NFRKB: variants seen among roughly 807,000 people sequenced by gnomAD.
NFRKB encodes the protein nuclear factor related to kappa-B-binding protein.
In NFRKB, 62 loss-of-function variants were observed where a neutral mutation model predicts 135.7. That is an observed-to-expected ratio of 0.46 (90% CI 0.37 to 0.56). NFRKB has a LOEUF of 0.56. Among genes scored for constraint, NFRKB ranks in the 20% least tolerant of loss-of-function variants. The pLI is 0.00. For synonymous variants in NFRKB, 678 were observed against 635.6 expected (o/e 1.07, Z -1.00); for missense variants, 1,545 against 1,662.0 (o/e 0.93, Z 1.22).
rs1482199455 is a variant in NFRKB, at chr11:129,863,644, A to G, written c.*1081T>C. 1.3e-5 allele frequency: 2 copies of G among 158,232 alleles called. No homozygotes were observed. The highest frequency in any genetic ancestry group is 3.2e-3 in the Middle Eastern group (1 of 316). 9.8% of individuals were successfully genotyped at this position (158,232 alleles called of 1,614,324 possible). On this transcript the variant is annotated 3_prime_UTR_variant, in exon 27 of 27. Transcript: ENST00000682444. ...AAACAAACAAACAAACAAACAAACA[A>G]AAAACGCTTTTACTTAAAAGGCCAT...
In NFRKB at chr11:129,884,781, C is replaced by G; in HGVS notation, c.706G>C (p.Val236Leu). ...ATATCCGTGGTTGAAAGTGTGGGCA[C>G]CACCCGCAGGGGCACCGCAGGACTA... ...SPSPAVPLRVVPTLSTTDMKT... is the reference protein window; with the variant it reads ...SPSPAVPLRVLPTLSTTDMKT... The change falls in exon 7 of 27, where the codon GTG becomes CTG. Residue 236 changes from valine to leucine, a missense_variant. Coordinates refer to ENST00000682444, the MANE Select transcript of NFRKB (RefSeq NM_001143835.2). The G allele has an allele frequency of 6.2e-7, 1 of 1,614,114 alleles. No individual in the cohort carries two copies. Among genetic ancestry groups the G allele is most frequent in the Non-Finnish European group, 8.5e-7 (1 of 1,180,020 alleles).
chr11:129,894,301 C>G (rs1949680883), intron 2 of NFRKB, 58 bp downstream of exon 2: 1 of 152,180 alleles, frequency 6.6e-6, no homozygotes. Flanking sequence ...TGTTAACAGT[C>G]AAAACACCAG....
At position 129,888,353 on chromosome 11, in the gene NFRKB, T is replaced by C. The variant is rs928070365; in HGVS notation, c.337+241A>G. On this transcript the variant is annotated intron_variant, in intron 4 of 26. Transcript: ENST00000682444. ...ATGTTTTATTTTTTTATGTAGATGC[T>C]GGTTACAAGCTGATGCTGGTTACAA... is the stretch of plus-strand genomic sequence containing the variant. The C allele has an allele frequency of 1.5e-5, 10 of 654,448 alleles. No homozygotes were observed. In the African/African-American group the frequency reaches 1.9e-4, roughly 12 times the overall value. 40.5% of individuals were successfully genotyped at this position (654,448 alleles called of 1,614,324 possible). A position where few individuals can be genotyped will look rare whatever the true frequency, so the allele number is the denominator to read the frequency against.
Position 129,884,861 on chromosome 11 carries a change from T to C in NFRKB, c.641-15A>G. On this transcript the variant is annotated splice_polypyrimidine_tract_variant and intron_variant, in intron 6 of 26. Coordinates refer to ENST00000682444, the MANE Select transcript of NFRKB (RefSeq NM_001143835.2). ...TGAGCTGAGATCTTCAAAAGAAAAT[T>C]GTTCTTGTAAATCCAACGTGGCTGT... 1.2e-6 allele frequency: 2 copies of C among 1,614,134 alleles called. No homozygotes were observed. Among genetic ancestry groups the C allele is most frequent in the Non-Finnish European group, 1.7e-6 (2 of 1,179,990 alleles).
At chr11:129,888,449 CAA>C (rs1229169170) in intron 4 of NFRKB, 143 bp downstream of exon 4, 2 of 818,908 alleles carry the variant, frequency 2.4e-6, no homozygotes, top group African/African-American at 1.7e-5. Flanking sequence ...GCCTAGACAG[CAA>C]AGTGTTACAC....
chr11:129,882,181 G>A lies in NFRKB; in HGVS notation c.1096C>T (p.Leu366Phe). ...TCATTGATTCCAAGGCAAGGCTTGAGGTCTTCAAGGGGCCTAATGAGGGAA... is the reference window on the plus strand; with the variant it reads ...TCATTGATTCCAAGGCAAGGCTTGAAGTCTTCAAGGGGCCTAATGAGGGAA... ...PAIKEEPLED[L>F]KPCLGINEIS... Residue 366 changes from leucine (L) to phenylalanine (F), a missense_variant, in exon 11 of 27, where the codon CTC becomes TTC. Leu to Phe is a conservative substitution (Grantham distance 22). Coordinates refer to ENST00000682444, the MANE Select transcript of NFRKB (RefSeq NM_001143835.2). 6.2e-7 allele frequency: 1 copy of A among 1,609,520 alleles called. No individual in the cohort carries two copies. The highest frequency in any genetic ancestry group is 8.5e-7 in the Non-Finnish European group (1 of 1,178,782).
At chr11:129,889,951 C>T (rs1357976946) in intron 3 of NFRKB, among the ~76,000 whole-genome samples, 6 of 135,286 alleles carry the variant, frequency 4.4e-5, no homozygotes, top group South Asian at 2.4e-4. Context: ...TATTGTCTTA[C>T]GTGTGTGTGT....
Position 129,885,423 on chromosome 11 carries a change from G to T in NFRKB, c.640+12C>A, listed in dbSNP as rs774423602. The T allele has an allele frequency of 2.5e-6, 4 of 1,592,576 alleles. No homozygotes were observed. The highest frequency in any genetic ancestry group is 3.4e-6 in the Non-Finnish European group (4 of 1,163,738). ...AATACCCCAGCTACCCCAAGTGCCC[G>T]AGGACACTCACCCTCTTCATCAGAT... On this transcript the variant is annotated intron_variant, in intron 6 of 26. Transcript: ENST00000682444.
Position 129,870,336 on chromosome 11 carries a change from C to G in NFRKB, c.2764-75G>C, listed in dbSNP as rs562598449. On this transcript the variant is annotated intron_variant, in intron 23 of 26. Coordinates refer to ENST00000682444, the MANE Select transcript of NFRKB (RefSeq NM_001143835.2). The stretch of plus-strand genomic sequence containing the variant: ...TTACAAAATACAACTAGACAAACTT[C>G]CGTTTCATGGGTAGATGTTTTGTAT... 33 of 1,474,304 alleles carry G rather than the reference C, an allele frequency of 2.2e-5. No homozygotes were observed. The African/African-American group carries it at 3.7e-4, about 16-fold the overall frequency. The allele number at this position is 1,474,304 out of a possible 1,614,324, so 91.3% of individuals were successfully genotyped here. A position where few individuals can be genotyped will look rare whatever the true frequency, so the allele number is the denominator to read the frequency against.
At chr11:129,866,456 T>C (rs1016286190) in intron 24 of NFRKB, among the ~76,000 whole-genome samples, 2 of 151,752 alleles carry the variant, frequency 1.3e-5, no homozygotes, top group African/African-American at 4.8e-5. Flanking sequence ...AACTACTCAT[T>C]GGAGTGCAGG....
chr11:129,887,522 C>A (rs1357802354), intron 4 of NFRKB, among the ~76,000 whole-genome samples: 1 of 152,152 alleles, frequency 6.6e-6, no homozygotes. Context: ...CCCAATCTAA[C>A]CATGAGAAAA....
rs1182137885 is a variant in NFRKB, at chr11:129,874,405, C to T, written c.2059-72G>A. On this transcript the variant is annotated intron_variant, in intron 20 of 26. Transcript: ENST00000682444. This position sits in a 1 kb window ranked among gnomAD's most constrained non-coding sequence, Gnocchi z 4.5. Reference sequence around the variant, plus strand: ...CCTAAAGGAAGGGACACCCCTACAGCTCCTGATGCCCCACACCAAGTGAAA... The same window carrying T: ...CCTAAAGGAAGGGACACCCCTACAGTTCCTGATGCCCCACACCAAGTGAAA... The T allele has an allele frequency of 1.3e-6, 2 of 1,536,294 alleles. No individual in the cohort carries two copies. Among genetic ancestry groups the T allele is most frequent in the Admixed American group, 4.2e-5 (2 of 47,434 alleles).
intron 6 of NFRKB, 151 bp downstream of exon 6, chr11:129,885,284 A>AG: frequency 1.2e-6 from 1 of 816,038 alleles, no homozygotes; most frequent in Non-Finnish European, 1.9e-6. Flanking sequence ...CCAAAGACCA[A>AG]GGCCTTCTGA....
At chr11:129,890,801 C>A (rs757036416) in intron 3 of NFRKB, among the ~76,000 whole-genome samples, 8 of 152,190 alleles carry the variant, frequency 5.3e-5, no homozygotes, top group Non-Finnish European at 1.0e-4. Context: ...CATCCCAGGG[C>A]ACGTACCATT....
rs191515867 is a variant in NFRKB, at chr11:129,873,412, A to T, written c.2551-316T>A. ...TTCTGTAAACTCACACAACTAGTTC[A>T]TGGCGTAGCTAAGACTAGAGGCACA... On this transcript the variant is annotated intron_variant, in intron 22 of 26. Coordinates refer to ENST00000682444, the MANE Select transcript of NFRKB (RefSeq NM_001143835.2). Among the ~76,000 whole-genome samples the T allele has an allele frequency of 1.1e-4, 16 of 152,352 alleles. No individual in the cohort carries two copies. In the East Asian group the frequency reaches 3.1e-3, roughly 29 times the overall value.
chr11:129,863,872 C>T lies in NFRKB; in HGVS notation c.*853G>A, dbSNP rs1343282235. On this transcript the variant is annotated 3_prime_UTR_variant, in exon 27 of 27. Transcript: ENST00000682444. ...GCTCTGGAGCAGAGCAGAAGGTATA[C>T]TCTGAACTGCAACAAAGTTTCTGCT... is the stretch of plus-strand genomic sequence containing the variant. The T allele has an allele frequency of 6.6e-6, 1 of 152,310 alleles. No individual in the cohort carries two copies. The highest frequency in any genetic ancestry group is 1.5e-5 in the Non-Finnish European group (1 of 68,132). The allele number at this position is 152,310 out of a possible 1,614,324, so 9.4% of individuals were successfully genotyped here.
rs766915430 is a variant in NFRKB at position 129,874,220 on chromosome 11, G to C, written c.2172C>G (p.Thr724=). 6.6e-7 allele frequency: 1 copy of C among 1,519,968 alleles called. No individual in the cohort carries two copies. Among genetic ancestry groups the C allele is most frequent in the Non-Finnish European group, 8.8e-7 (1 of 1,136,684 alleles). 94.2% of individuals were successfully genotyped at this position (1,519,968 alleles called of 1,614,324 possible). A position where few individuals can be genotyped will look rare whatever the true frequency, so the allele number is the denominator to read the frequency against. ...SMPPTPVTPV[T]PTTPALPAIP... is the part of the protein sequence containing the mutation. ...TGGCGGGCAATGCTGGTGTGGTGGG[G>C]GTTACAGGTGTGACTGGGGTGGGTG... Residue 724 remains threonine (T), a synonymous_variant, in exon 21 of 27, where the codon ACC becomes ACG. Coordinates refer to ENST00000682444, the MANE Select transcript of NFRKB (RefSeq NM_001143835.2). The surrounding 1 kb of genome is among the most constrained non-coding windows in gnomAD (Gnocchi z 4.5).
intron 22 of NFRKB, among the ~76,000 whole-genome samples, chr11:129,873,484 C>G (rs1948614403): frequency 6.6e-6 from 1 of 152,184 alleles, no homozygotes; most frequent in Non-Finnish European, 1.5e-5. Context: ...CATTTACAAC[C>G]CGCCTCTACG....
chr11:129,863,680 CT>C lies in NFRKB; in HGVS notation c.*1044del, dbSNP rs1168811000. ...TACTTAAAAGGCCATATAGGAAATACTTTAGGCTTCAGGGCCATCCAGTCTC... is the reference window on the plus strand; with the variant it reads ...TACTTAAAAGGCCATATAGGAAATACTTAGGCTTCAGGGCCATCCAGTCTC... On this transcript the variant is annotated 3_prime_UTR_variant, in exon 27 of 27. Coordinates refer to ENST00000682444, the MANE Select transcript of NFRKB (RefSeq NM_001143835.2). The C allele has an allele frequency of 6.5e-6, 1 of 153,918 alleles. No individual in the cohort carries two copies. Among genetic ancestry groups the C allele is most frequent in the Non-Finnish European group, 1.4e-5 (1 of 69,294 alleles). 9.5% of individuals were successfully genotyped at this position (153,918 alleles called of 1,614,324 possible). A position where few individuals can be genotyped will look rare whatever the true frequency, so the allele number is the denominator to read the frequency against.
Sources: allele counts gnomAD v4.1 joint callset (sites outside exome capture counted in the v4.1 genomes callset), GRCh38; gene constraint gnomAD v4.1.1; non-coding constraint Gnocchi (gnomAD v3.1); transcripts MANE v1.5; gene names NCBI Gene and HGNC (gene_info 2026-07-23, HGNC 2026-07-21).